EPHA6: variants seen among roughly 807,000 people sequenced by gnomAD.
EPHA6 encodes EPH receptor A6, also known as ephrin type-A receptor 6.
EPHA6 carries 50 observed loss-of-function variants against 112.0 expected under a neutral mutation model. That is an observed-to-expected ratio of 0.45 (90% confidence interval 0.36 to 0.56). The LOEUF (loss-of-function observed/expected upper bound fraction) is 0.56. Among genes scored for constraint, EPHA6 ranks in the 20% least tolerant of loss-of-function variants. EPHA6 has a pLI of 0.00. For synonymous variants in EPHA6, 529 were observed against 490.7 expected (o/e 1.08, Z -1.03); for missense variants, 1,280 against 1,417.4 (o/e 0.90, Z 1.56).
At chr3:97,394,926 G>T (rs933252716) in intron 5 of EPHA6, among the ~76,000 whole-genome samples, 3 of 151,494 alleles carry the variant, frequency 2.0e-5, no homozygotes, top group African/African-American at 7.3e-5. Flanking sequence ...AAGGTCATCT[G>T]TGCTTACTTT....
chr3:96,907,707 T>C (rs1035074780), intron 2 of EPHA6, among the ~76,000 whole-genome samples: 4 of 151,858 alleles, frequency 2.6e-5, no homozygotes, highest in African/African-American at 9.7e-5. Context: ...TTAAGCTATT[T>C]AGTAGCATCT....
intron 14 of EPHA6, among the ~76,000 whole-genome samples, chr3:97,717,801 C>G (rs892926986): frequency 6.6e-6 from 1 of 151,920 alleles, no homozygotes; most frequent in East Asian, 1.9e-4. Flanking sequence ...AAAATAAAAC[C>G]GTATGAAGGA....
rs1452601119 is a variant in EPHA6, at chr3:97,609,474, T to G, written c.2513-1319T>G. On this transcript the variant is annotated intron_variant, in intron 12 of 17. Coordinates refer to ENST00000389672, the MANE Select transcript of EPHA6 (RefSeq NM_001080448.3). Reference sequence around the variant, plus strand: ...AATAATTGACGATAAAGTTCTTTATTCATATTTGGGTAAAATTAATGACTT... The same window carrying G: ...AATAATTGACGATAAAGTTCTTTATGCATATTTGGGTAAAATTAATGACTT... 2.0e-5 allele frequency among the ~76,000 whole-genome samples: 3 copies of G among 151,478 alleles called. No homozygotes were observed. In the Admixed American group the frequency reaches 2.0e-4, roughly 10 times the overall value.
chr3:96,973,782 G>A (rs2042406648), intron 2 of EPHA6, among the ~76,000 whole-genome samples: 3 of 146,776 alleles, frequency 2.0e-5, no homozygotes, highest in African/African-American at 7.5e-5. Flanking sequence ...CCGAGATCAT[G>A]CCACTGGTCT....
chr3:97,508,741 A>AACATTGAC (rs2107582293), intron 10 of EPHA6, among the ~76,000 whole-genome samples: 1 of 152,196 alleles, frequency 6.6e-6, no homozygotes, highest in African/African-American at 2.4e-5. Flanking sequence ...TGATTTGTCT[A>AACATTGAC]ACATTGACAG....
At chr3:97,095,135 A>G (rs1189198988) in intron 3 of EPHA6, among the ~76,000 whole-genome samples, 2 of 152,088 alleles carry the variant, frequency 1.3e-5, no homozygotes, top group Admixed American at 6.6e-5. Context: ...ATTTTCAACA[A>G]AAGTAAAAAT....
At chr3:96,954,834 C>T (rs916782938) in intron 2 of EPHA6, among the ~76,000 whole-genome samples, 4 of 125,034 alleles carry the variant, frequency 3.2e-5, no homozygotes, top group South Asian at 2.6e-4. Context: ...TCGCCCAGGC[C>T]GGACTGCGGA....
intron 14 of EPHA6, among the ~76,000 whole-genome samples, chr3:97,696,141 C>A (rs1241110024): frequency 6.6e-6 from 1 of 152,210 alleles, no homozygotes; most frequent in African/African-American, 2.4e-5. Flanking sequence ...AAAACAACTT[C>A]ATTTTTCCCC....
intron 2 of EPHA6, among the ~76,000 whole-genome samples, chr3:96,875,754 C>T (rs1436410877): frequency 6.6e-6 from 1 of 151,966 alleles, no homozygotes. Context: ...CACACATACA[C>T]AAACACACAC....
chr3:97,417,428 A>G (rs1317702622), intron 6 of EPHA6, among the ~76,000 whole-genome samples: 6 of 152,110 alleles, frequency 3.9e-5, no homozygotes, highest in African/African-American at 1.4e-4. Context: ...TAATGGAAAA[A>G]AAAGTGCTAT....
intron 3 of EPHA6, among the ~76,000 whole-genome samples, chr3:97,126,760 A>C (rs558871923): frequency 6.6e-6 from 1 of 152,270 alleles, no homozygotes; most frequent in African/African-American, 2.4e-5. Flanking sequence ...GGAGAACCAA[A>C]TTAAATCCAT....
rs112285491 is a variant in EPHA6, at chr3:97,041,098, G to T, written c.1114+53105G>T. ...AATTAGCGTACTGTTTGTAGTTTTT[G>T]TTTTTCTTTTGTTTTCTTTCCTCTG... is the stretch of plus-strand genomic sequence containing the variant. On this transcript the variant is annotated intron_variant, in intron 3 of 17. Coordinates refer to ENST00000389672, the MANE Select transcript of EPHA6 (RefSeq NM_001080448.3). Among the ~76,000 whole-genome samples the T allele has an allele frequency of 6.8e-3, 1,036 of 152,030 alleles. 10 individuals carry two copies. Among genetic ancestry groups the T allele is most frequent in the Middle Eastern group, 0.037 (11 of 294 alleles).
intron 5 of EPHA6, among the ~76,000 whole-genome samples, chr3:97,332,160 A>G (rs1449812450): frequency 2.6e-5 from 4 of 152,176 alleles, no homozygotes; most frequent in African/African-American, 4.8e-5. Context: ...CAAAAACCAC[A>G]TGATTTTCTC....
At chr3:97,386,199 T>A (rs1190665832) in intron 5 of EPHA6, among the ~76,000 whole-genome samples, 2 of 152,204 alleles carry the variant, frequency 1.3e-5, no homozygotes, top group Non-Finnish European at 2.9e-5. Flanking sequence ...TCTTAGTTAC[T>A]TTCCAGAACT....
At chr3:97,409,531 G>A (rs1392846419) in intron 6 of EPHA6, among the ~76,000 whole-genome samples, 1 of 152,098 alleles carries the variant, frequency 6.6e-6, no homozygotes, top group Non-Finnish European at 1.5e-5. Flanking sequence ...CACAGCAGAT[G>A]TCTCAGAAAG....
chr3:97,020,832 GC>G (rs2107978753), intron 3 of EPHA6, among the ~76,000 whole-genome samples: 1 of 151,912 alleles, frequency 6.6e-6, no homozygotes, highest in South Asian at 2.1e-4. Flanking sequence ...CATTTATTAT[GC>G]CTAGTGATCC....
chr3:97,637,891 A>G lies in EPHA6; in HGVS notation c.2593A>G (p.Thr865Ala). The G allele has an allele frequency of 1.9e-6, 3 of 1,613,886 alleles. No individual in the cohort carries two copies. The highest frequency in any genetic ancestry group is 2.5e-6 in the Non-Finnish European group (3 of 1,179,784). The change falls in exon 14 of 18, where the codon ACA becomes GCA. Residue 865 changes from threonine (T) to alanine (A), a missense_variant. Thr to Ala is a moderately conservative substitution (Grantham distance 58). Transcript: ENST00000389672. ...CTTGCAGAAGCATGATGGCCACTTC[A>G]CAGTCATCCAGTTGGTCGGAATGCT... is the stretch of plus-strand genomic sequence containing the variant. ...SFLRKHDGHF[T>A]VIQLVGMLRG...
At chr3:96,947,824 C>T (rs1280823079) in intron 2 of EPHA6, among the ~76,000 whole-genome samples, 1 of 152,084 alleles carries the variant, frequency 6.6e-6, no homozygotes, top group Non-Finnish European at 1.5e-5. Flanking sequence ...CCATACTGCC[C>T]AAGGTAACTT....
intron 3 of EPHA6, among the ~76,000 whole-genome samples, chr3:97,121,178 C>G (rs1396343012): frequency 6.6e-6 from 1 of 151,826 alleles, no homozygotes; most frequent in African/African-American, 2.4e-5. Context: ...AAGTAGTTTC[C>G]AATTATTTTG....
Sources: gnomAD v4.1 joint callset for allele counts (sites outside exome capture counted in the v4.1 genomes callset) on GRCh38, gnomAD v4.1.1 for gene constraint, MANE v1.5 for transcripts, NCBI Gene and HGNC (gene_info 2026-07-23, HGNC 2026-07-21) for gene names.